PPP2R2B: variants seen among roughly 807,000 people sequenced by gnomAD.
The protein encoded by PPP2R2B is protein phosphatase 2 regulatory subunit Bbeta.
Under a neutral mutation model 46.0 loss-of-function variants are expected in PPP2R2B, and 5 were observed. The ratio of observed to expected loss-of-function variants is 0.11; its 90% CI spans 0.06 to 0.23. The LOEUF (loss-of-function observed/expected upper bound fraction) is 0.23. Among genes scored for constraint, PPP2R2B ranks in the 10% least tolerant of loss-of-function variants. The probability of loss-of-function intolerance (pLI) is 1.00; values close to 1 mark genes in which losing one functional copy is unlikely to be tolerated. For missense variants in PPP2R2B, 367 were observed against 575.0 expected, an observed-to-expected ratio of 0.64 and a Z score of 3.70; for synonymous variants, 215 against 206.7, an observed-to-expected ratio of 1.04 and a Z score of -0.34.
chr5:146,898,987 G>T (rs1762736402), intron 1 of PPP2R2B, among the ~76,000 whole-genome samples: 1 of 149,592 alleles, frequency 6.7e-6, no homozygotes, highest in Admixed American at 6.7e-5. Flanking sequence ...AGGTGCTGGA[G>T]AGGATGTGGA....
At chr5:146,719,129 C>T (rs538597697) in intron 2 of PPP2R2B, among the ~76,000 whole-genome samples, 1 of 152,322 alleles carries the variant, frequency 6.6e-6, no homozygotes, top group South Asian at 2.1e-4. Context: ...CAATAGCAGT[C>T]TTGTAATCCC....
chr5:146,923,445 G>A (rs1449035285), intron 1 of PPP2R2B, among the ~76,000 whole-genome samples: 1 of 152,166 alleles, frequency 6.6e-6, no homozygotes, highest in Non-Finnish European at 1.5e-5. Context: ...CCCTATGGCA[G>A]TCCCAAAGCC....
intron 1 of PPP2R2B, among the ~76,000 whole-genome samples, chr5:146,980,508 GCAA>G (rs1466477735): frequency 6.6e-6 from 1 of 152,112 alleles, no homozygotes; most frequent in Admixed American, 6.6e-5. Context: ...GGAAGAAACA[GCAA>G]CAAGGAAAAG....
intron 2 of PPP2R2B, among the ~76,000 whole-genome samples, chr5:146,788,680 G>A (rs1297267111): frequency 6.6e-6 from 1 of 152,180 alleles, no homozygotes. Flanking sequence ...GCAGTGGTCC[G>A]AGATCGTGCA....
chr5:147,000,817 C>T (rs1387592080), intron 1 of PPP2R2B, among the ~76,000 whole-genome samples: 1 of 152,048 alleles, frequency 6.6e-6, no homozygotes, highest in African/African-American at 2.4e-5. Flanking sequence ...TTGGTTTAAT[C>T]ATCTCCTGAG....
chr5:146,770,637 GAA>G (rs1754794154), intron 2 of PPP2R2B, among the ~76,000 whole-genome samples: 1 of 152,124 alleles, frequency 6.6e-6, no homozygotes, highest in South Asian at 2.1e-4. Flanking sequence ...GATACTAAGA[GAA>G]AAATGTTAAG....
intron 2 of PPP2R2B, among the ~76,000 whole-genome samples, chr5:147,075,248 A>G (rs1350291434): frequency 1.3e-5 from 2 of 152,314 alleles, no homozygotes; most frequent in Non-Finnish European, 2.9e-5. Context: ...CAAATCAAAT[A>G]CAAGCATTGC....
intron 1 of PPP2R2B, among the ~76,000 whole-genome samples, chr5:146,890,565 T>C (rs557927568): frequency 6.6e-6 from 1 of 152,330 alleles, no homozygotes; most frequent in Admixed American, 6.5e-5. Context: ...ATTACTGTAC[T>C]AGTGTGATAA....
intron 2 of PPP2R2B, among the ~76,000 whole-genome samples, chr5:146,742,879 G>A (rs182718940): frequency 2.6e-5 from 4 of 152,286 alleles, no homozygotes; most frequent in African/African-American, 7.2e-5. Flanking sequence ...CGATGAAGGC[G>A]AAGGCAGAGA....
intron 1 of PPP2R2B, among the ~76,000 whole-genome samples, chr5:147,052,122 T>A (rs1756855853): frequency 6.6e-6 from 1 of 152,094 alleles, no homozygotes; most frequent in Non-Finnish European, 1.5e-5. Flanking sequence ...CCCTGGCTTC[T>A]GTTTGTATCT....
intron 5 of PPP2R2B, among the ~76,000 whole-genome samples, chr5:146,685,881 C>T (rs1226270396): frequency 6.6e-6 from 1 of 152,152 alleles, no homozygotes; most frequent in East Asian, 1.9e-4. Flanking sequence ...AGCCCTCACC[C>T]CCCGCCTTCC....
At chr5:146,973,359 A>G (rs1333345737) in intron 1 of PPP2R2B, among the ~76,000 whole-genome samples, 3 of 152,174 alleles carry the variant, frequency 2.0e-5, no homozygotes, top group Non-Finnish European at 4.4e-5. Context: ...ATTTTACATT[A>G]TTGTTCATAT....
chr5:146,782,123 C>T (rs142701257), intron 2 of PPP2R2B, among the ~76,000 whole-genome samples: 122 of 152,260 alleles, frequency 8.0e-4, no homozygotes, highest in African/African-American at 2.8e-3. Flanking sequence ...CTGCAAGTTT[C>T]CTGAGGCCTC....
At chr5:147,021,257 C>A (rs1755250179) in intron 1 of PPP2R2B, among the ~76,000 whole-genome samples, 1 of 151,946 alleles carries the variant, frequency 6.6e-6, no homozygotes, top group Non-Finnish European at 1.5e-5. Context: ...CTTTGATGAA[C>A]CCTGGGGTAA....
chr5:147,034,759 T>C (rs537283197), intron 1 of PPP2R2B, among the ~76,000 whole-genome samples: 1 of 152,346 alleles, frequency 6.6e-6, no homozygotes, highest in African/African-American at 2.4e-5. Context: ...GATCCTATTA[T>C]AAAGTGTACT....
At chr5:146,688,166 A>T (rs1778625334) in intron 5 of PPP2R2B, among the ~76,000 whole-genome samples, 1 of 152,114 alleles carries the variant, frequency 6.6e-6, no homozygotes, top group Non-Finnish European at 1.5e-5. Flanking sequence ...AATGCAGGAT[A>T]TTTGAGAGCC....
At chr5:146,913,605 A>T (rs1763270033) in intron 1 of PPP2R2B, among the ~76,000 whole-genome samples, 1 of 151,106 alleles carries the variant, frequency 6.6e-6, no homozygotes, top group Non-Finnish European at 1.5e-5. Flanking sequence ...CTTGATCTCC[A>T]CTTTGCCTTT....
intron 2 of PPP2R2B, among the ~76,000 whole-genome samples, chr5:146,846,160 G>A (rs1582255830): frequency 6.8e-6 from 1 of 147,536 alleles, no homozygotes; most frequent in South Asian, 2.2e-4. Context: ...TGAGTGGACT[G>A]CTTGAGCCCA....
intron 5 of PPP2R2B, among the ~76,000 whole-genome samples, chr5:146,664,196 C>T (rs1776841687): frequency 6.6e-6 from 1 of 152,184 alleles, no homozygotes; most frequent in African/African-American, 2.4e-5. Context: ...TCGACTCTTC[C>T]TTTCATGAAA....
Sources: allele counts gnomAD v4.1 joint callset (sites outside exome capture counted in the v4.1 genomes callset), GRCh38; gene constraint gnomAD v4.1.1; transcripts MANE v1.5; gene names NCBI Gene and HGNC (gene_info 2026-07-23, HGNC 2026-07-21).